Variants in MDGA2 observed in about 807,000 individuals in gnomAD.
The protein encoded by MDGA2 is MAM domain containing glycosylphosphatidylinositol anchor 2.
In MDGA2, 40 loss-of-function variants were observed where a neutral mutation model predicts 117.8. The observed-to-expected ratio is 0.34, with a 90% confidence interval of 0.26 to 0.44. MDGA2 has a LOEUF of 0.44. Ranked by LOEUF, MDGA2 falls within the 20% of genes least tolerant of loss-of-function variation. The pLI is 1.00. For missense variants in MDGA2, 1,123 were observed against 1,250.6 expected, an observed-to-expected ratio of 0.90 and a Z score of 1.54; for synonymous variants, 452 against 439.0, an observed-to-expected ratio of 1.03 and a Z score of -0.37.
chr14:47,034,294 G>A (rs527975440), intron 8 of MDGA2, among the ~76,000 whole-genome samples: 2 of 152,210 alleles, frequency 1.3e-5, no homozygotes, highest in Non-Finnish European at 2.9e-5. Flanking sequence ...CAAATGTAAA[G>A]TCCATAATAT....
intron 6 of MDGA2, among the ~76,000 whole-genome samples, chr14:47,063,567 ATATGAG>A (rs1889971053): frequency 1.3e-5 from 2 of 152,136 alleles, no homozygotes; most frequent in South Asian, 2.1e-4. Context: ...AAAGCAAATC[ATATGAG>A]TATAAAATAT....
intron 11 of MDGA2, 72 bp from the exon 12 acceptor site, chr14:46,877,581 A>G: frequency 8.9e-7 from 1 of 1,129,280 alleles, no homozygotes. Flanking sequence ...TTTTATAAAT[A>G]AAAGTCTAAT....
intron 1 of MDGA2, among the ~76,000 whole-genome samples, chr14:47,616,072 C>T (rs911768424): frequency 6.6e-6 from 1 of 152,122 alleles, no homozygotes; most frequent in African/African-American, 2.4e-5. Flanking sequence ...GAGATCAGGA[C>T]CACAAAATCT....
rs1439668196 is a variant in MDGA2, at chr14:47,545,065, A to G, written c.280+129452T>C. On this transcript the variant is annotated intron_variant, in intron 1 of 16. Coordinates refer to ENST00000399232, the MANE Select transcript of MDGA2 (RefSeq NM_001113498.3). ...CATTTTCATTATTCAACTATGCAACACCAAGTTCAATATTTAAATGAAAAA... is the reference window on the plus strand; with the variant it reads ...CATTTTCATTATTCAACTATGCAACGCCAAGTTCAATATTTAAATGAAAAA... 2.0e-5 allele frequency among the ~76,000 whole-genome samples: 3 copies of G among 152,174 alleles called. No individual in the cohort carries two copies. In the East Asian group the frequency reaches 5.8e-4, roughly 29 times the overall value.
At chr14:46,960,809 T>C (rs531303210) in intron 8 of MDGA2, among the ~76,000 whole-genome samples, 21 of 148,206 alleles carry the variant, frequency 1.4e-4, no homozygotes, top group African/African-American at 5.2e-4. Context: ...TACATATGTA[T>C]ACACATATAC....
At chr14:46,916,659 CGT>C in intron 10 of MDGA2, among the ~76,000 whole-genome samples, 1 of 152,050 alleles carries the variant, frequency 6.6e-6, no homozygotes, top group East Asian at 1.9e-4. Context: ...AAAAAAGAGG[CGT>C]GTGTCTACGT....
At chr14:47,648,950 C>T (rs958296708) in intron 1 of MDGA2, among the ~76,000 whole-genome samples, 3 of 151,980 alleles carry the variant, frequency 2.0e-5, no homozygotes, top group Non-Finnish European at 4.4e-5. Context: ...ATCAATTGTA[C>T]CTACAGCTAT....
Position 47,370,468 on chromosome 14 carries a change from G to GTCTTTTTTTTT in MDGA2, c.281-68919_281-68918insAAAAAAAAAGA, listed in dbSNP as rs1891322901. On this transcript the variant is annotated intron_variant, in intron 1 of 16. Transcript: ENST00000399232. Reference sequence around the variant, plus strand: ...TTACTATTTTCTAGGTCTACTTACTGTTTTTTTTTTTTTTTTTTTTTTTTT... The same window carrying GTCTTTTTTTTT: ...TTACTATTTTCTAGGTCTACTTACTGTCTTTTTTTTTTTTTTTTTTTTTTTTTTTTTTTTTT... Among the ~76,000 whole-genome samples, 7 of 20,678 alleles carry GTCTTTTTTTTT rather than the reference G, an allele frequency of 3.4e-4. 1 individual carries two copies. In the East Asian group the frequency reaches 7.5e-3, roughly 22 times the overall value. 13.6% of individuals were successfully genotyped at this position (20,678 alleles called of 152,430 possible). A position where few individuals can be genotyped will look rare whatever the true frequency, so the allele number is the denominator to read the frequency against.
chr14:47,485,267 G>C (rs1894036381), intron 1 of MDGA2, among the ~76,000 whole-genome samples: 1 of 152,154 alleles, frequency 6.6e-6, no homozygotes, highest in Non-Finnish European at 1.5e-5. Context: ...CTCTTGTTAT[G>C]TTTTAGCAAA....
chr14:47,165,987 C>T (rs943271536), intron 3 of MDGA2, among the ~76,000 whole-genome samples: 1 of 150,792 alleles, frequency 6.6e-6, no homozygotes, highest in African/African-American at 2.4e-5. Flanking sequence ...CCTATACACC[C>T]TTTTCTGTGT....
At chr14:46,965,317 T>C (rs748394964) in intron 8 of MDGA2, among the ~76,000 whole-genome samples, 3 of 81,126 alleles carry the variant, frequency 3.7e-5, no homozygotes, top group Admixed American at 3.2e-4. Flanking sequence ...TTCTAGACTC[T>C]CTCTATATAT....
At chr14:46,904,059 A>T (rs1566517058) in intron 10 of MDGA2, among the ~76,000 whole-genome samples, 2 of 152,146 alleles carry the variant, frequency 1.3e-5, no homozygotes, top group Non-Finnish European at 2.9e-5. Flanking sequence ...TGAAAGGAAG[A>T]CATATAAAAA....
At chr14:47,242,488 G>A (rs969337195) in intron 2 of MDGA2, among the ~76,000 whole-genome samples, 1 of 151,870 alleles carries the variant, frequency 6.6e-6, no homozygotes, top group Non-Finnish European at 1.5e-5. Context: ...CGCTTGCGGG[G>A]CAGCTGGAGT....
At chr14:47,483,806 T>C (rs990248450) in intron 1 of MDGA2, among the ~76,000 whole-genome samples, 9 of 152,298 alleles carry the variant, frequency 5.9e-5, no homozygotes, top group African/African-American at 2.2e-4. Flanking sequence ...GTAGTAGTTA[T>C]TGAGTCTCCA....
intron 7 of MDGA2, among the ~76,000 whole-genome samples, chr14:47,048,386 C>T (rs1338603298): frequency 6.6e-6 from 1 of 152,008 alleles, no homozygotes; most frequent in Non-Finnish European, 1.5e-5. Context: ...TTTATTTTAC[C>T]TTCTGGAGCA....
intron 8 of MDGA2, among the ~76,000 whole-genome samples, chr14:47,029,034 T>C (rs1415210825): frequency 6.6e-6 from 1 of 152,144 alleles, no homozygotes; most frequent in African/African-American, 2.4e-5. Flanking sequence ...AATTGTTATA[T>C]TACCTCAGTA....
chr14:47,169,699 T>C (rs1594689165), intron 3 of MDGA2, among the ~76,000 whole-genome samples: 1 of 152,198 alleles, frequency 6.6e-6, no homozygotes, highest in African/African-American at 2.4e-5. Flanking sequence ...TTACTAATAA[T>C]ACATAATCAG....
chr14:47,666,437 G>A (rs1338636215), intron 1 of MDGA2, among the ~76,000 whole-genome samples: 2 of 150,336 alleles, frequency 1.3e-5, no homozygotes, highest in Non-Finnish European at 3.0e-5. Context: ...GTTTGTAAAT[G>A]CACCAATCAG....
chr14:46,948,593 G>A (rs1250528862), intron 9 of MDGA2, among the ~76,000 whole-genome samples: 1 of 151,936 alleles, frequency 6.6e-6, no homozygotes, highest in Non-Finnish European at 1.5e-5. Flanking sequence ...AGGAGAGGAA[G>A]AACAGTAGAA....
Sources: allele counts gnomAD v4.1 joint callset (sites outside exome capture counted in the v4.1 genomes callset), GRCh38; gene constraint gnomAD v4.1.1; transcripts MANE v1.5; gene names NCBI Gene and HGNC (gene_info 2026-07-23, HGNC 2026-07-21).